SEC63: variants seen among roughly 807,000 people sequenced by gnomAD.
SEC63 encodes SEC63 protein translocation regulator.
Under a neutral mutation model 116.2 loss-of-function variants are expected in SEC63, and 56 were observed. The observed-to-expected ratio is 0.48, with a 90% CI of 0.39 to 0.60. The LOEUF is 0.60. SEC63 is among the 20% of genes least tolerant of loss of function. The pLI is 0.00. For missense variants in SEC63, 668 were observed against 900.0 expected (o/e 0.74, Z 3.30); for synonymous variants, 273 against 294.6 (o/e 0.93, Z 0.75).
chr6:107,886,557 C>CGT, intron 16 of SEC63, among the ~76,000 whole-genome samples: 1 of 151,758 alleles, frequency 6.6e-6, no homozygotes, highest in East Asian at 2.0e-4. Context: ...TTCTAACTGG[C>CGT]GTGAGATGGT....
chr6:107,889,638 G>A (rs1209185482), intron 16 of SEC63, among the ~76,000 whole-genome samples: 1 of 151,616 alleles, frequency 6.6e-6, no homozygotes, highest in Non-Finnish European at 1.5e-5. Context: ...TTTTGAATTT[G>A]TTTGCTCTTG....
At chr6:107,879,120 G>A (rs978162451) in intron 18 of SEC63, among the ~76,000 whole-genome samples, 11 of 152,202 alleles carry the variant, frequency 7.2e-5, no homozygotes, top group Non-Finnish European at 1.5e-5. Context: ...CGGAAATGTA[G>A]ACAGGTAGAG....
chr6:107,893,931 G>T, intron 14 of SEC63, 34 bp from the exon 15 acceptor site: 1 of 1,603,492 alleles, frequency 6.2e-7, no homozygotes, highest in Non-Finnish European at 8.5e-7. Context: ...TACAAAATCT[G>T]TCAACCTATA....
In SEC63 at chr6:107,897,707, T is replaced by C. The variant is rs780795207; in HGVS notation, c.1382A>G (p.Asn461Ser). The C allele has an allele frequency of 3.1e-6, 5 of 1,609,924 alleles. No homozygotes were observed. The highest frequency in any genetic ancestry group is 3.4e-6 in the Non-Finnish European group (4 of 1,176,502). Residue 461 changes from asparagine (N) to serine (S), a missense_variant, in exon 14 of 21, where the codon AAC (asparagine) becomes AGC (serine). Asn to Ser is a conservative substitution (Grantham distance 46). Transcript: ENST00000369002. ...SQVLDDEDSN[N>S]ITVGSLVTVL... The stretch of plus-strand genomic sequence containing the variant: ...TGTAACTAAGGATCCTACTGTGATG[T>C]TGTTGCTATCTTCATCATCTAACAC...
chr6:107,929,299 A>G, intron 2 of SEC63, 116 bp downstream of exon 2: 1 of 647,558 alleles, frequency 1.5e-6, no homozygotes, highest in South Asian at 1.9e-5. Context: ...TACCCTTACT[A>G]TAGATTACAA....
In SEC63 at chr6:107,918,156, C is replaced by T. The variant is rs192434397; in HGVS notation, c.452+3641G>A. Among the ~76,000 whole-genome samples the T allele has an allele frequency of 1.7e-3, 251 of 152,076 alleles. 1 individual carries two copies. The highest frequency in any genetic ancestry group is 5.9e-3 in the African/African-American group (244 of 41,496). ...TCTATGCTAAATCTATTCTGCCATG[C>T]TCTATAAATAGAACAACAAATCCTT... On this transcript the variant is annotated intron_variant, in intron 4 of 20. Transcript: ENST00000369002.
At chr6:107,886,210 T>C (rs1246483059) in intron 16 of SEC63, among the ~76,000 whole-genome samples, 4 of 152,238 alleles carry the variant, frequency 2.6e-5, no homozygotes, top group Admixed American at 2.6e-4. Flanking sequence ...TATGGCTGCA[T>C]AGTATTCCAT....
In SEC63 at chr6:107,869,687, A is replaced by AGTACATAGTTT. The variant is rs1362266319; in HGVS notation, c.*2016_*2017insAAACTATGTAC. ...TTACCTAAAGCACTCACTAGAGGAA[A>AGTACATAGTTT]TTTTATTTTACTTAGTTGGGAAGTA... On this transcript the variant is annotated 3_prime_UTR_variant, in exon 21 of 21. Transcript: ENST00000369002. 6.6e-6 allele frequency: 1 copy of AGTACATAGTTT among 152,052 alleles called. No homozygotes were observed. The highest frequency in any genetic ancestry group is 1.5e-5 in the Non-Finnish European group (1 of 68,006). 9.4% of individuals were successfully genotyped at this position (152,052 alleles called of 1,614,324 possible). A position where few individuals can be genotyped will look rare whatever the true frequency, so the allele number is the denominator to read the frequency against.
At chr6:107,884,271 CAG>C (rs1401734391) in intron 16 of SEC63, among the ~76,000 whole-genome samples, 2 of 142,834 alleles carry the variant, frequency 1.4e-5, no homozygotes, top group African/African-American at 5.1e-5. Context: ...AAAAAAAGAG[CAG>C]AGAGAGATAC....
At chr6:107,911,443 AAAC>A (rs756683882) in intron 6 of SEC63, 47 bp from the exon 7 acceptor site, 2 of 1,272,938 alleles carry the variant, frequency 1.6e-6, no homozygotes, top group Non-Finnish European at 2.3e-6. Flanking sequence ...AGGTAAATTA[AAAC>A]AACATCCATG....
At position 107,897,652 on chromosome 6, in the gene SEC63, C is replaced by A; in HGVS notation, c.1437G>T (p.Met479Ile). The change falls in exon 14 of 21, where the codon ATG becomes ATT. Residue 479 changes from methionine (M) to isoleucine (I), a missense_variant. By Grantham distance (10) the Met-to-Ile change is conservative. This residue lies in a region of SEC63 where 430 missense variants were observed against 557.5 expected (regional missense o/e 0.77). Coordinates refer to ENST00000369002, the MANE Select transcript of SEC63 (RefSeq NM_007214.5). The part of the protein sequence containing the change: ...TVLVKLTRQT[M>I]AEVFEKEQSI... Reference sequence around the variant, plus strand: ...AAAATACAGATAGACTACTTACAGCCATTGTTTGCCTTGTCAACTTAACCA... The same window carrying A: ...AAAATACAGATAGACTACTTACAGCAATTGTTTGCCTTGTCAACTTAACCA... The A allele has an allele frequency of 2.5e-6, 4 of 1,583,840 alleles. No homozygotes were observed. Among genetic ancestry groups the A allele is most frequent in the Non-Finnish European group, 3.5e-6 (4 of 1,152,698 alleles).
chr6:107,941,208 G>A (rs1407638240), intron 1 of SEC63, among the ~76,000 whole-genome samples: 1 of 152,146 alleles, frequency 6.6e-6, no homozygotes, highest in Non-Finnish European at 1.5e-5. Context: ...GCCAGAGATT[G>A]TTTTAATAAG....
intron 16 of SEC63, 178 bp from the exon 17 acceptor site, chr6:107,883,324 C>T (rs1388266434): frequency 1.2e-5 from 8 of 664,920 alleles, no homozygotes; most frequent in Admixed American, 1.2e-4. Flanking sequence ...GGGAGTCAGA[C>T]TAAAGAGTTT....
Position 107,916,100 on chromosome 6 carries a change from T to C in SEC63, c.453-2673A>G, listed in dbSNP as rs556750707. 1.2e-3 allele frequency among the ~76,000 whole-genome samples: 175 copies of C among 148,646 alleles called. 2 individuals carry two copies. The highest frequency in any genetic ancestry group is 4.2e-3 in the African/African-American group (169 of 40,522). On this transcript the variant is annotated intron_variant, in intron 4 of 20. Coordinates refer to ENST00000369002, the MANE Select transcript of SEC63 (RefSeq NM_007214.5). Reference sequence around the variant, plus strand: ...AATTATAAACTTGAAAATGTTAAAATACCTAAAGACTGGGGGGATAGGGTG... The same window carrying C: ...AATTATAAACTTGAAAATGTTAAAACACCTAAAGACTGGGGGGATAGGGTG...
chr6:107,949,244 TTA>T (rs1700499346), intron 1 of SEC63, among the ~76,000 whole-genome samples: 1 of 152,222 alleles, frequency 6.6e-6, no homozygotes, highest in African/African-American at 2.4e-5. Context: ...AGCAGAGTTT[TTA>T]TATGTCAAAG....
At chr6:107,887,219 A>G (rs1786551024) in intron 16 of SEC63, among the ~76,000 whole-genome samples, 1 of 150,380 alleles carries the variant, frequency 6.6e-6, no homozygotes, top group East Asian at 1.9e-4. Flanking sequence ...AACTGGAAAT[A>G]CCATTTGACC....
At chr6:107,882,434 C>T (rs1228000083) in intron 17 of SEC63, among the ~76,000 whole-genome samples, 1 of 152,186 alleles carries the variant, frequency 6.6e-6, no homozygotes, top group Admixed American at 6.6e-5. Context: ...CTCCTATACG[C>T]TATACTTTTA....
rs543129358 is a variant in SEC63, at chr6:107,883,518, G to A, written c.1675-372C>T. The A allele has an allele frequency of 5.9e-5, 13 of 220,424 alleles. No homozygotes were observed. In the South Asian group the frequency reaches 7.7e-4, roughly 13 times the overall value. The allele number at this position is 220,424 out of a possible 1,614,324, so 13.7% of individuals were successfully genotyped here. On this transcript the variant is annotated intron_variant, in intron 16 of 20. Coordinates refer to ENST00000369002, the MANE Select transcript of SEC63 (RefSeq NM_007214.5). The stretch of plus-strand genomic sequence containing the variant: ...ATAGAAAAGTATAATTTTGGGGCCA[G>A]TCACAGCGACTCATGCATGTAATCT...
chr6:107,926,285 A>G (rs951824877), intron 2 of SEC63, among the ~76,000 whole-genome samples: 1 of 152,210 alleles, frequency 6.6e-6, no homozygotes, highest in African/African-American at 2.4e-5. Context: ...TTAGGTGATG[A>G]ATGACTTTTA....
Sources: gnomAD v4.1 joint callset for allele counts (sites outside exome capture counted in the v4.1 genomes callset) on GRCh38, gnomAD v4.1.1 for gene constraint, gnomAD v4.1.1 regional missense constraint, MANE v1.5 for transcripts, NCBI Gene and HGNC (gene_info 2026-07-23, HGNC 2026-07-21) for gene names.